PAK5: variants seen among roughly 807,000 people sequenced by gnomAD.
The protein encoded by PAK5 is serine/threonine-protein kinase PAK 5.
A neutral mutation model predicts 65.9 loss-of-function variants in PAK5; 16 were observed. That is an observed-to-expected ratio of 0.24 (90% CI 0.16 to 0.37). PAK5 has a LOEUF of 0.37. Ranked by LOEUF, PAK5 falls within the 10% of genes least tolerant of loss-of-function variation. The pLI, the probability that PAK5 is intolerant of heterozygous loss-of-function variation, is 1.00. For missense variants in PAK5, 785 were observed against 903.9 expected (o/e 0.87, Z 1.69); for synonymous variants, 371 against 354.9 (o/e 1.05, Z -0.51).
chr20:9,802,932 A>ATATATATATATATATATATG (rs1171891650), intron 1 of PAK5, among the ~76,000 whole-genome samples: 5 of 138,450 alleles, frequency 3.6e-5, no homozygotes, highest in Non-Finnish European at 7.8e-5. Flanking sequence ...ATATATATAT[A>ATATATATATATATATATATG]TGAATTACTA....
chr20:9,633,139 T>A (rs572281956), intron 3 of PAK5, among the ~76,000 whole-genome samples: 38 of 152,194 alleles, frequency 2.5e-4, no homozygotes, highest in African/African-American at 9.2e-4. Context: ...CTGCTTCCAG[T>A]TTCAGAGATG....
chr20:9,631,773 TAGAC>T (rs1266726359), intron 3 of PAK5, among the ~76,000 whole-genome samples: 1 of 152,190 alleles, frequency 6.6e-6, no homozygotes, highest in African/African-American at 2.4e-5. Context: ...AGCAAACACT[TAGAC>T]AGGTACCATC....
At chr20:9,770,160 G>A (rs1281746832) in intron 1 of PAK5, among the ~76,000 whole-genome samples, 1 of 152,124 alleles carries the variant, frequency 6.6e-6, no homozygotes, top group Non-Finnish European at 1.5e-5. Flanking sequence ...GGCGAAAGAG[G>A]ACGGTCGACT....
chr20:9,718,235 A>C, intron 1 of PAK5, among the ~76,000 whole-genome samples: 1 of 152,088 alleles, frequency 6.6e-6, no homozygotes, highest in East Asian at 1.9e-4. Context: ...AACGGAAGGA[A>C]GATTTACTAT....
At chr20:9,721,928 A>T (rs1569058816) in intron 1 of PAK5, among the ~76,000 whole-genome samples, 2 of 152,098 alleles carry the variant, frequency 1.3e-5, no homozygotes, top group Non-Finnish European at 2.9e-5. Flanking sequence ...TCTCCCATAT[A>T]TCATGTTTTG....
At chr20:9,833,659 TC>T in intron 1 of PAK5, among the ~76,000 whole-genome samples, 1 of 152,276 alleles carries the variant, frequency 6.6e-6, no homozygotes, top group South Asian at 2.1e-4. Context: ...ATATGGTGAT[TC>T]TTCCAGATGG....
At chr20:9,805,232 G>A (rs2049217482) in intron 1 of PAK5, among the ~76,000 whole-genome samples, 2 of 152,120 alleles carry the variant, frequency 1.3e-5, no homozygotes, top group Admixed American at 1.3e-4. Context: ...AACAAGTGTT[G>A]ACAAGGATGT....
At chr20:9,670,339 A>T (rs2047479421) in intron 2 of PAK5, among the ~76,000 whole-genome samples, 1 of 152,198 alleles carries the variant, frequency 6.6e-6, no homozygotes, top group African/African-American at 2.4e-5. Context: ...TCCCTGAGGA[A>T]TCGCCACACT....
At position 9,580,856 on chromosome 20, in the gene PAK5, C is replaced by T. The variant is rs193260191; in HGVS notation, c.279G>A (p.Ser93=). 13 of 1,613,238 alleles carry T rather than the reference C, an allele frequency of 8.1e-6. No individual in the cohort carries two copies. Among genetic ancestry groups the T allele is most frequent in the Middle Eastern group, 1.7e-4 (1 of 6,052 alleles). The change falls in exon 4 of 10, where the codon TCG becomes TCA. Residue 93 remains serine (S), a synonymous_variant. Coordinates refer to ENST00000353224, the MANE Select transcript of PAK5 (RefSeq NM_177990.4). The part of the protein sequence containing the change: ...NGLLEDFDNI[S]VTRSNSLRKE... ...TCCTTAGGGAGTTGGAGCGAGTCACCGAGATGTTGTCAAAATCCTCTAGCA... is the reference window on the plus strand; with the variant it reads ...TCCTTAGGGAGTTGGAGCGAGTCACTGAGATGTTGTCAAAATCCTCTAGCA...
intron 1 of PAK5, among the ~76,000 whole-genome samples, chr20:9,761,236 T>C (rs1236280707): frequency 6.6e-6 from 1 of 152,086 alleles, no homozygotes; most frequent in Admixed American, 6.6e-5. Context: ...GAATGTGCAA[T>C]CCAAACACAC....
At chr20:9,794,772 T>C (rs913399453) in intron 1 of PAK5, among the ~76,000 whole-genome samples, 3 of 152,146 alleles carry the variant, frequency 2.0e-5, no homozygotes, top group Non-Finnish European at 2.9e-5. Context: ...TTTTATCTTT[T>C]TTTTAAGGCA....
intron 1 of PAK5, among the ~76,000 whole-genome samples, chr20:9,743,850 CT>C (rs1259099849): frequency 6.6e-6 from 1 of 152,128 alleles, no homozygotes; most frequent in Non-Finnish European, 1.5e-5. Context: ...TAAGTTTTAC[CT>C]TACATGGCAA....
chr20:9,603,709 G>A (rs2046400718), intron 3 of PAK5, among the ~76,000 whole-genome samples: 1 of 152,142 alleles, frequency 6.6e-6, no homozygotes, highest in Non-Finnish European at 1.5e-5. Flanking sequence ...TGCTTATGCT[G>A]TGCTGCTATA....
At chr20:9,682,068 C>T (rs2047656921) in intron 2 of PAK5, among the ~76,000 whole-genome samples, 1 of 152,126 alleles carries the variant, frequency 6.6e-6, no homozygotes, top group Non-Finnish European at 1.5e-5. Flanking sequence ...TAGAAAGCTA[C>T]TAGGGCGGGC....
intron 1 of PAK5, among the ~76,000 whole-genome samples, chr20:9,742,919 T>C (rs2423457): frequency 0.21 from 31,452 of 152,172 alleles, 3,449 homozygotes; most frequent in East Asian, 0.31. Context: ...TGGGATTTAC[T>C]AACAGGACGA....
At chr20:9,804,786 T>C (rs1384462515) in intron 1 of PAK5, among the ~76,000 whole-genome samples, 4 of 152,138 alleles carry the variant, frequency 2.6e-5, no homozygotes, top group Non-Finnish European at 5.9e-5. Flanking sequence ...TGATGGCTCA[T>C]GTCTGTAATC....
chr20:9,719,918 G>A (rs539655507), intron 1 of PAK5, among the ~76,000 whole-genome samples: 1 of 152,300 alleles, frequency 6.6e-6, no homozygotes, highest in African/African-American at 2.4e-5. Context: ...CTGTGTTTAA[G>A]TTATATGGAA....
chr20:9,672,074 A>G (rs985190506), intron 2 of PAK5, among the ~76,000 whole-genome samples: 1 of 152,050 alleles, frequency 6.6e-6, no homozygotes, highest in African/African-American at 2.4e-5. Flanking sequence ...TCAGCGAGGA[A>G]GGACAAAAAA....
At chr20:9,665,085 G>GTTTTTTTTTTTTTTT (rs754435525) in intron 2 of PAK5, among the ~76,000 whole-genome samples, 999 of 98,790 alleles carry the variant, frequency 0.01, 67 homozygotes, top group South Asian at 0.018. Context: ...AAATTTTTCT[G>GTTTTTTTTTTTTTTT]TTTTTTTTTT....
Sources: gnomAD v4.1 joint callset for allele counts (sites outside exome capture counted in the v4.1 genomes callset) on GRCh38, gnomAD v4.1.1 for gene constraint, MANE v1.5 for transcripts, NCBI Gene and HGNC (gene_info 2026-07-23, HGNC 2026-07-21) for gene names.